Variants in GRAMD1B observed in about 807,000 individuals in gnomAD.
GRAMD1B encodes the protein GRAM domain containing 1B.
Under a neutral mutation model 99.7 loss-of-function variants are expected in GRAMD1B, and 37 were observed. The ratio of observed to expected loss-of-function variants is 0.37; its 90% CI spans 0.29 to 0.49. GRAMD1B has a LOEUF of 0.49. Ranked by LOEUF, GRAMD1B falls within the 20% of genes least tolerant of loss-of-function variation. The probability of loss-of-function intolerance (pLI) is 0.98; values close to 1 mark genes in which losing one functional copy is unlikely to be tolerated. For missense variants in GRAMD1B, 888 were observed against 1,009.2 expected (o/e 0.88, Z 1.63); for synonymous variants, 427 against 387.6 (o/e 1.10, Z -1.19).
intron 2 of GRAMD1B, among the ~76,000 whole-genome samples, chr11:123,499,661 C>T (rs1939654009): frequency 6.6e-6 from 1 of 152,180 alleles, no homozygotes; most frequent in Non-Finnish European, 1.5e-5. Flanking sequence ...GAAGGTGAAG[C>T]TCTTCCACTG....
chr11:123,557,721 G>A (rs1434944942), intron 2 of GRAMD1B, among the ~76,000 whole-genome samples: 1 of 152,140 alleles, frequency 6.6e-6, no homozygotes, highest in East Asian at 1.9e-4. Flanking sequence ...ACTAACATTT[G>A]AAGTTGTATT....
At chr11:123,401,292 G>C (rs1010779178) in intron 1 of GRAMD1B, among the ~76,000 whole-genome samples, 4 of 152,134 alleles carry the variant, frequency 2.6e-5, no homozygotes, top group South Asian at 2.1e-4. Context: ...AAGAGCGGAG[G>C]GTATTTGGCT....
intron 1 of GRAMD1B, among the ~76,000 whole-genome samples, chr11:123,412,484 A>T (rs937265002): frequency 3.9e-5 from 6 of 152,236 alleles, no homozygotes; most frequent in Non-Finnish European, 1.5e-5. Flanking sequence ...TAAATCACAC[A>T]AGCCAGTGAA....
intron 2 of GRAMD1B, among the ~76,000 whole-genome samples, chr11:123,515,825 T>C (rs1183104050): frequency 1.3e-5 from 2 of 152,070 alleles, no homozygotes; most frequent in Non-Finnish European, 2.9e-5. Context: ...TGGAGTGCAG[T>C]GGCATGATCT....
chr11:123,429,122 A>G (rs780640484), upstream of GRAMD1B, among the ~76,000 whole-genome samples: 24 of 152,128 alleles, frequency 1.6e-4, no homozygotes, highest in Non-Finnish European at 1.9e-4. The surrounding 1 kb of genome is among the most constrained non-coding windows in gnomAD (Gnocchi z 4.0). Context: ...GAGCCCAGGA[A>G]TTCAAGGTTG....
intron 1 of GRAMD1B, among the ~76,000 whole-genome samples, chr11:123,472,197 C>T (rs925389983): frequency 6.7e-6 from 1 of 149,022 alleles, no homozygotes; most frequent in Non-Finnish European, 1.5e-5. Flanking sequence ...CACTGCACTC[C>T]AGCCTGGGCA....
upstream of GRAMD1B, among the ~76,000 whole-genome samples, chr11:123,427,554 G>A (rs929244214): frequency 6.6e-6 from 1 of 152,280 alleles, no homozygotes. Flanking sequence ...CAGCTGTAGG[G>A]CATTTCATAT....
chr11:123,461,793 CG>C (rs1950425858), intron 1 of GRAMD1B, among the ~76,000 whole-genome samples: 1 of 151,100 alleles, frequency 6.6e-6, no homozygotes, highest in African/African-American at 2.4e-5. Flanking sequence ...TTAGTAGAGA[CG>C]GGGGTTTCAC....
chr11:123,437,369 C>T (rs201358787), intron 1 of GRAMD1B, among the ~76,000 whole-genome samples: 44 of 152,308 alleles, frequency 2.9e-4, no homozygotes, highest in East Asian at 7.7e-4. Flanking sequence ...GATGAAACCA[C>T]ATCTCCCAGG....
At chr11:123,419,763 G>A (rs1414454000) in intron 1 of GRAMD1B, among the ~76,000 whole-genome samples, 6 of 151,614 alleles carry the variant, frequency 4.0e-5, no homozygotes. Context: ...GAAAGAGAAA[G>A]AGAGAGAGGG....
intron 2 of GRAMD1B, among the ~76,000 whole-genome samples, chr11:123,488,065 G>A (rs1374284361): frequency 1.3e-5 from 2 of 152,162 alleles, no homozygotes; most frequent in Admixed American, 1.3e-4. Flanking sequence ...ATTCAGGTGA[G>A]GTCCTGTTTT....
At chr11:123,475,066 A>C (rs1427047680) in intron 1 of GRAMD1B, among the ~76,000 whole-genome samples, 1 of 152,180 alleles carries the variant, frequency 6.6e-6, no homozygotes, top group Non-Finnish European at 1.5e-5. Flanking sequence ...AGGTTGCCAT[A>C]TTCCGTCTTT....
intron 2 of GRAMD1B, among the ~76,000 whole-genome samples, chr11:123,555,578 A>C (rs1470789969): frequency 2.0e-5 from 3 of 151,882 alleles, no homozygotes; most frequent in Non-Finnish European, 4.4e-5. Flanking sequence ...TGAACTCCTG[A>C]TCTCAGGTGA....
intron 2 of GRAMD1B, among the ~76,000 whole-genome samples, chr11:123,535,669 A>C (rs1943891931): frequency 6.6e-6 from 1 of 152,050 alleles, no homozygotes. Context: ...AGGAGTGATT[A>C]CAAAAAAATT....
chr11:123,612,307 A>G (rs1391120406), intron 14 of GRAMD1B, among the ~76,000 whole-genome samples: 4 of 152,216 alleles, frequency 2.6e-5, no homozygotes, highest in African/African-American at 9.6e-5. Context: ...ATAAAAACCC[A>G]GAACTTGACT....
chr11:123,512,675 G>A (rs903613783), intron 2 of GRAMD1B, among the ~76,000 whole-genome samples: 13 of 147,190 alleles, frequency 8.8e-5, no homozygotes, highest in African/African-American at 3.3e-4. Flanking sequence ...AACAGAAACC[G>A]ATGTCATTTC....
At chr11:123,392,803 C>T (rs1947327081) in intron 1 of GRAMD1B, among the ~76,000 whole-genome samples, 1 of 152,136 alleles carries the variant, frequency 6.6e-6, no homozygotes. Flanking sequence ...TTTTATACTC[C>T]TAGAGATAAA....
chr11:123,486,554 G>GAA (rs770942713), intron 2 of GRAMD1B, among the ~76,000 whole-genome samples: 99 of 102,320 alleles, frequency 9.7e-4, no homozygotes, highest in African/African-American at 2.6e-3. Flanking sequence ...TCTCAAAAAA[G>GAA]AAAAAAAAAA....
chr11:123,376,031 T>C (rs1309869019), intron 1 of GRAMD1B, among the ~76,000 whole-genome samples: 1 of 152,168 alleles, frequency 6.6e-6, no homozygotes, highest in African/African-American at 2.4e-5. Flanking sequence ...TTCTCTTAAC[T>C]TCACAGTTAC....
Sources: gnomAD v4.1 joint callset for allele counts (sites outside exome capture counted in the v4.1 genomes callset) on GRCh38, gnomAD v4.1.1 for gene constraint, Gnocchi (gnomAD v3.1) non-coding constraint, MANE v1.5 for transcripts, NCBI Gene and HGNC (gene_info 2026-07-23, HGNC 2026-07-21) for gene names.